The following DEFB131A variants were observed in gnomAD, a reference collection of about 807,000 sequenced individuals.
The protein encoded by DEFB131A is defensin beta 131A, also known as beta-defensin 131A.
In DEFB131A, 5 loss-of-function variants were observed where a neutral mutation model predicts 2.4. The ratio of observed to expected loss-of-function variants is 2.12; its 90% CI spans 1.11 to 4.47. DEFB131A has a LOEUF of 4.47. Among genes scored for constraint, DEFB131A ranks in the 30% most tolerant of loss-of-function variants. The pLI is 0.00. For synonymous variants in DEFB131A, 34 were observed against 25.7 expected, an observed-to-expected ratio of 1.32 and a Z score of -0.97; for missense variants, 120 against 79.9, an observed-to-expected ratio of 1.50 and a Z score of -1.91.
intron 1 of DEFB131A, among the ~76,000 whole-genome samples, chr4:9,448,952 A>G (rs1483173998): frequency 6.6e-6 from 1 of 151,882 alleles, no homozygotes; most frequent in African/African-American, 2.4e-5. Context: ...TCTAAACTTC[A>G]CTCTCCCAAA....
chr4:9,448,311 G>C (rs538774256), intron 1 of DEFB131A, among the ~76,000 whole-genome samples: 2 of 148,110 alleles, frequency 1.4e-5, no homozygotes, highest in African/African-American at 2.5e-5. Flanking sequence ...TGTTATAAAA[G>C]AAAAAAAAAA....
rs1198715407 is a variant in DEFB131A, at chr4:9,450,361, C to G, written c.60C>G (p.Ala20=). 3 of 1,551,178 alleles carry G rather than the reference C, an allele frequency of 1.9e-6. No individual in the cohort carries two copies. The highest frequency in any genetic ancestry group is 2.3e-5 in the East Asian group (1 of 43,434). The part of the protein sequence containing the change: ...VLSLMFTVPP[A]RSFISNDECP... The stretch of plus-strand genomic sequence containing the variant: ...ATAATTTGTCTTCTCTTTTTAAAGC[C>G]AGAAGCTTCATTTCTAATGATGAAT... Residue 20 remains alanine (A), a splice_region_variant and synonymous_variant, in exon 2 of 2, where the codon GCC becomes GCG. Transcript: ENST00000334879.
rs201768163 is a variant in DEFB131A at position 9,450,426 on chromosome 4, C to A, written c.125C>A (p.Ala42Asp). ...EYYHCRLKCNADEHAIRYCAD... is the reference protein window; with the variant it reads ...EYYHCRLKCNDDEHAIRYCAD... The stretch of plus-strand genomic sequence containing the variant: ...TATCATTGCAGACTGAAGTGCAATG[C>A]TGATGAACATGCAATTAGATACTGT... Residue 42 changes from alanine to aspartate, a missense_variant, in exon 2 of 2, where the codon GCT (alanine) becomes GAT (aspartate). Physicochemically the swap from Ala to Asp is moderately radical, Grantham distance 126 (BLOSUM62 -2). Transcript: ENST00000334879. 1.2e-6 allele frequency: 2 copies of A among 1,609,912 alleles called. No individual in the cohort carries two copies. Among genetic ancestry groups the A allele is most frequent in the East Asian group, 2.2e-5 (1 of 44,812 alleles).
intron 1 of DEFB131A, among the ~76,000 whole-genome samples, chr4:9,448,782 G>A (rs185458619): frequency 2.0e-4 from 31 of 152,232 alleles, no homozygotes; most frequent in African/African-American, 6.7e-4. Flanking sequence ...CAGGAACAAG[G>A]CAAATGTGCC....
At chr4:9,446,168 G>A (rs184627192) in intron 1 of DEFB131A, among the ~76,000 whole-genome samples, 1 of 151,998 alleles carries the variant, frequency 6.6e-6, no homozygotes. Flanking sequence ...TTATATAAAT[G>A]ATAGAATCTT....
intron 1 of DEFB131A, among the ~76,000 whole-genome samples, chr4:9,449,230 G>T (rs1717587769): frequency 6.7e-6 from 1 of 148,768 alleles, no homozygotes; most frequent in Admixed American, 6.8e-5. Context: ...TGAATTGGAA[G>T]ACATGATAAT....
intron 1 of DEFB131A, among the ~76,000 whole-genome samples, chr4:9,449,999 A>G (rs1717613826): frequency 1.3e-5 from 2 of 152,174 alleles, no homozygotes; most frequent in African/African-American, 4.8e-5. Flanking sequence ...ACACTAGATT[A>G]CATCCCCAAT....
At position 9,444,711 on chromosome 4, in the gene DEFB131A, G is replaced by T. The variant is rs576091203; in HGVS notation, c.58+120G>T. On this transcript the variant is annotated intron_variant, in intron 1 of 1. Coordinates refer to ENST00000334879, the MANE Select transcript of DEFB131A (RefSeq NM_001040448.3). ...CAGATTTTACTGTACCATGAAGGCTGCTCAGAGGATTGAAGAGTTGATACT... is the reference window on the plus strand; with the variant it reads ...CAGATTTTACTGTACCATGAAGGCTTCTCAGAGGATTGAAGAGTTGATACT... 1.0e-4 allele frequency: 100 copies of T among 986,206 alleles called. 2 individuals carry two copies. In the East Asian group the frequency reaches 2.3e-3, roughly 23 times the overall value. The allele number at this position is 986,206 out of a possible 1,614,324, so 61.1% of individuals were successfully genotyped here. A position where few individuals can be genotyped will look rare whatever the true frequency, so the allele number is the denominator to read the frequency against.
intron 1 of DEFB131A, among the ~76,000 whole-genome samples, chr4:9,449,003 A>G (rs1406390011): frequency 6.6e-6 from 1 of 152,074 alleles, no homozygotes; most frequent in Non-Finnish European, 1.5e-5. Context: ...GTTGCAGGAT[A>G]GAAAATCAAC....
Sources: gnomAD v4.1 joint callset for allele counts (sites outside exome capture counted in the v4.1 genomes callset) on GRCh38, gnomAD v4.1.1 for gene constraint, MANE v1.5 for transcripts, NCBI Gene and HGNC (gene_info 2026-07-23, HGNC 2026-07-21) for gene names.